EXOC2: variants seen among roughly 807,000 people sequenced by gnomAD.
EXOC2 encodes the protein SEC5-like 1.
EXOC2 carries 70 observed loss-of-function variants against 131.8 expected under a neutral mutation model. The observed-to-expected ratio is 0.53, with a 90% CI of 0.44 to 0.65. The LOEUF (loss-of-function observed/expected upper bound fraction) is 0.65. EXOC2 is among the 30% of genes least tolerant of loss of function. EXOC2 has a pLI of 0.00. For synonymous variants in EXOC2, 411 were observed against 398.4 expected, an observed-to-expected ratio of 1.03 and a Z score of -0.38; for missense variants, 923 against 1,108.6, an observed-to-expected ratio of 0.83 and a Z score of 2.38.
chr6:617,116 T>G (rs1761053979), intron 6 of EXOC2, among the ~76,000 whole-genome samples: 2 of 152,350 alleles, frequency 1.3e-5, no homozygotes, highest in East Asian at 1.9e-4. Flanking sequence ...GAGTTAACTT[T>G]TATTGATATA....
chr6:496,357 A>T (rs1374796905), intron 25 of EXOC2, among the ~76,000 whole-genome samples: 1 of 152,070 alleles, frequency 6.6e-6, no homozygotes, highest in Non-Finnish European at 1.5e-5. Context: ...TTGATTTTTT[A>T]TTTGTTTGTT....
intron 22 of EXOC2, among the ~76,000 whole-genome samples, chr6:538,732 ATGT>A (rs1766615255): frequency 6.6e-6 from 1 of 152,158 alleles, no homozygotes; most frequent in Non-Finnish European, 1.5e-5. Flanking sequence ...CGCATTCAGT[ATGT>A]TCCCTGGCTT....
rs1247059140 is a variant in EXOC2, at chr6:629,981, A to G, written c.296-20T>C. 7 of 1,612,698 alleles carry G rather than the reference A, an allele frequency of 4.3e-6. No homozygotes were observed. The highest frequency in any genetic ancestry group is 3.3e-5 in the South Asian group (3 of 90,798). ...AAATGCCTACAGAAATGAGGAGCAT[A>G]TGCTTAATAAGATGAAGCCTACCCC... On this transcript the variant is annotated intron_variant, in intron 3 of 27. Transcript: ENST00000230449.
chr6:587,688 G>A (rs1342049211), intron 11 of EXOC2, among the ~76,000 whole-genome samples: 1 of 152,214 alleles, frequency 6.6e-6, no homozygotes, highest in East Asian at 1.9e-4. Flanking sequence ...CCGAGGAAAC[G>A]TTCTGTCCGC....
chr6:680,554 A>G lies in EXOC2; in HGVS notation c.-44+12465T>C, dbSNP rs141743714. Among the ~76,000 whole-genome samples, 915 of 152,288 alleles carry G rather than the reference A, an allele frequency of 6.0e-3. 8 individuals carry two copies. Among genetic ancestry groups the G allele is most frequent in the African/African-American group, 0.02 (834 of 41,552 alleles). On this transcript the variant is annotated intron_variant, in intron 1 of 27. Transcript: ENST00000230449. ...TGTTTTAGAAACGTAGGTAGGCCTT[A>G]GACCACACAGAATAGCCCACTTCCA...
chr6:600,239 C>T (rs1760056659), intron 7 of EXOC2, among the ~76,000 whole-genome samples: 1 of 152,018 alleles, frequency 6.6e-6, no homozygotes, highest in African/African-American at 2.4e-5. Flanking sequence ...TTTTAAAGGC[C>T]TCATATAAAA....
At chr6:504,114 G>A (rs910249213) in intron 23 of EXOC2, among the ~76,000 whole-genome samples, 16 of 152,220 alleles carry the variant, frequency 1.1e-4, no homozygotes, top group African/African-American at 2.7e-4. Flanking sequence ...CAGTAGCCAC[G>A]TGCTTTCCCG....
chr6:616,399 C>G (rs888955344), intron 6 of EXOC2, among the ~76,000 whole-genome samples: 12 of 151,762 alleles, frequency 7.9e-5, no homozygotes, highest in Non-Finnish European at 1.2e-4. Context: ...GTCAGGAGAT[C>G]GAGACCATCC....
At chr6:633,185 T>C (rs1388118278) in intron 2 of EXOC2, 68 bp from the exon 3 acceptor site, 2 of 1,517,376 alleles carry the variant, frequency 1.3e-6, no homozygotes, top group Non-Finnish European at 1.8e-6. Context: ...TCGTGTAGAT[T>C]ACATTTTTTA....
intron 13 of EXOC2, among the ~76,000 whole-genome samples, chr6:566,496 C>T (rs577506935): frequency 7.2e-5 from 11 of 152,292 alleles, no homozygotes; most frequent in South Asian, 4.1e-4. Flanking sequence ...CCCCACCTAA[C>T]GCACGCCCGC....
intron 19 of EXOC2, among the ~76,000 whole-genome samples, chr6:555,541 G>C (rs915912723): frequency 5.3e-5 from 8 of 152,150 alleles, no homozygotes; most frequent in African/African-American, 1.2e-4. Context: ...TATTAAGTTT[G>C]TAAAGATATA....
chr6:555,228 G>T lies in EXOC2; in HGVS notation c.2053C>A (p.His685Asn). ...GAGATTAATTTAATTTTTACTTACT[G>T]TGTAGTATCTATATCTGCATCAGGC... The part of the protein sequence containing the change: ...TKPDADIDTT[H>N]LSVDVSSPDL... Residue 685 changes from histidine (H) to asparagine (N), a missense_variant and splice_region_variant, in exon 20 of 28, where the codon CAT (histidine) becomes AAT (asparagine). Coordinates refer to ENST00000230449, the MANE Select transcript of EXOC2 (RefSeq NM_018303.6). 6.7e-7 allele frequency: 1 copy of T among 1,487,784 alleles called. No individual in the cohort carries two copies. Among genetic ancestry groups the T allele is most frequent in the Non-Finnish European group, 9.1e-7 (1 of 1,099,814 alleles). The allele number at this position is 1,487,784 out of a possible 1,614,324, so 92.2% of individuals were successfully genotyped here.
At chr6:648,974 A>G (rs1185065852) in intron 1 of EXOC2, among the ~76,000 whole-genome samples, 3 of 151,754 alleles carry the variant, frequency 2.0e-5, no homozygotes, top group African/African-American at 4.8e-5. Context: ...CCGCCTCCCA[A>G]CGTGCTGGGA....
At chr6:622,295 A>G (rs536664984) in intron 4 of EXOC2, among the ~76,000 whole-genome samples, 1 of 152,040 alleles carries the variant, frequency 6.6e-6, no homozygotes, top group East Asian at 1.9e-4. Context: ...CCTACTAACA[A>G]CAGTCTTCAC....
At chr6:515,953 A>G (rs1187332382) in intron 23 of EXOC2, among the ~76,000 whole-genome samples, 3 of 152,246 alleles carry the variant, frequency 2.0e-5, no homozygotes, top group African/African-American at 7.2e-5. Flanking sequence ...ACCAAGGCGT[A>G]TGGTGACTTG....
chr6:524,087 TA>T (rs1025515185), intron 23 of EXOC2: 4 of 152,212 alleles, frequency 2.6e-5, no homozygotes, highest in African/African-American at 9.6e-5. Flanking sequence ...CTTATGGATT[TA>T]TTTTTTTATT....
chr6:590,810 G>A (rs1345642680), intron 11 of EXOC2, among the ~76,000 whole-genome samples: 2 of 151,654 alleles, frequency 1.3e-5, no homozygotes, highest in Non-Finnish European at 2.9e-5. Context: ...TTCTTTTTTC[G>A]TCTTCTTGGG....
intron 22 of EXOC2, 132 bp downstream of exon 22, chr6:549,043 G>T: frequency 1.4e-6 from 1 of 718,448 alleles, no homozygotes; most frequent in Non-Finnish European, 2.5e-6. Flanking sequence ...GGGTGAAGGC[G>T]GGGAAGCAGT....
At chr6:649,259 A>G (rs191817718) in intron 1 of EXOC2, among the ~76,000 whole-genome samples, 12 of 152,372 alleles carry the variant, frequency 7.9e-5, no homozygotes, top group East Asian at 3.9e-4. Flanking sequence ...TCATGTAAGG[A>G]AAGTTAATAC....
Sources: gnomAD v4.1 joint callset for allele counts (sites outside exome capture counted in the v4.1 genomes callset) on GRCh38, gnomAD v4.1.1 for gene constraint, MANE v1.5 for transcripts, NCBI Gene and HGNC (gene_info 2026-07-23, HGNC 2026-07-21) for gene names.